DOCK3: variants seen among roughly 807,000 people sequenced by gnomAD.
DOCK3 encodes the protein dedicator of cytokinesis protein 3.
In DOCK3, 60 loss-of-function variants were observed where a neutral mutation model predicts 265.6. That is an observed-to-expected ratio of 0.23 (90% CI 0.18 to 0.28). The LOEUF is 0.28. Ranked by LOEUF, DOCK3 falls within the 10% of genes least tolerant of loss-of-function variation. DOCK3 has a pLI of 1.00. For missense variants in DOCK3, 1,981 were observed against 2,594.3 expected (o/e 0.76, Z 5.14); for synonymous variants, 881 against 938.0 (o/e 0.94, Z 1.11).
At chr3:51,317,566 C>T (rs541953985) in intron 32 of DOCK3, among the ~76,000 whole-genome samples, 2 of 141,598 alleles carry the variant, frequency 1.4e-5, no homozygotes, top group South Asian at 2.3e-4. Flanking sequence ...GGCAACAGAG[C>T]GAGACTCCAT....
intron 1 of DOCK3, among the ~76,000 whole-genome samples, chr3:50,774,202 T>C (rs948786298): frequency 2.0e-5 from 3 of 152,056 alleles, no homozygotes; most frequent in Non-Finnish European, 4.4e-5. Flanking sequence ...TTCACCTCCT[T>C]CATCCTTTGC....
chr3:51,347,070 A>G (rs915796889), intron 38 of DOCK3, among the ~76,000 whole-genome samples: 3 of 152,096 alleles, frequency 2.0e-5, no homozygotes, highest in Admixed American at 1.3e-4. Flanking sequence ...TTGTAAAAAT[A>G]TTCTCCCATT....
intron 1 of DOCK3, among the ~76,000 whole-genome samples, chr3:50,683,806 A>G (rs1184537891): frequency 7.0e-6 from 1 of 141,988 alleles, no homozygotes; most frequent in African/African-American, 2.6e-5. Flanking sequence ...TTCTCTCCAC[A>G]TTTTTTCTCC....
At chr3:51,230,305 G>C (rs1424429129) in intron 19 of DOCK3, among the ~76,000 whole-genome samples, 1 of 152,088 alleles carries the variant, frequency 6.6e-6, no homozygotes, top group Non-Finnish European at 1.5e-5. Context: ...AGTGTCTACT[G>C]TTACCATTTT....
intron 27 of DOCK3, among the ~76,000 whole-genome samples, chr3:51,281,191 G>C (rs1367299222): frequency 6.7e-6 from 1 of 150,132 alleles, no homozygotes; most frequent in Non-Finnish European, 1.5e-5. Context: ...CCAGTCTTTC[G>C]GCTTCCCTAG....
At chr3:51,038,191 C>A (rs1337028203) in intron 5 of DOCK3, among the ~76,000 whole-genome samples, 2 of 152,128 alleles carry the variant, frequency 1.3e-5, no homozygotes, top group Non-Finnish European at 2.9e-5. Context: ...CTACTAATTC[C>A]ATTTTTAGGG....
intron 1 of DOCK3, among the ~76,000 whole-genome samples, chr3:50,711,294 C>A (rs1387096307): frequency 6.8e-6 from 1 of 146,110 alleles, no homozygotes. Context: ...CAGAGTTTTG[C>A]TCTGTTGCCC....
At chr3:50,970,947 AATGTG>A (rs2077209303) in intron 5 of DOCK3, among the ~76,000 whole-genome samples, 1 of 53,304 alleles carries the variant, frequency 1.9e-5, no homozygotes, top group African/African-American at 8.5e-5. Flanking sequence ...ATATATATAT[AATGTG>A]TGTGTGTGTG....
intron 5 of DOCK3, among the ~76,000 whole-genome samples, chr3:50,948,931 C>T (rs572614600): frequency 6.6e-6 from 1 of 152,210 alleles, no homozygotes; most frequent in South Asian, 2.1e-4. Flanking sequence ...ATCAATGAAA[C>T]AGAATAGAGA....
intron 4 of DOCK3, among the ~76,000 whole-genome samples, chr3:50,909,737 T>G (rs1484992314): frequency 6.6e-6 from 1 of 150,944 alleles, no homozygotes; most frequent in Non-Finnish European, 1.5e-5. Flanking sequence ...TGAGGTTCTC[T>G]GGATTTCTTG....
intron 5 of DOCK3, among the ~76,000 whole-genome samples, chr3:51,017,364 C>T: frequency 6.6e-6 from 1 of 151,036 alleles, no homozygotes; most frequent in Non-Finnish European, 1.5e-5. Context: ...AAATTTCTTT[C>T]TACTGTGATC....
chr3:50,980,105 G>A (rs2077635033), intron 5 of DOCK3, among the ~76,000 whole-genome samples: 1 of 152,144 alleles, frequency 6.6e-6, no homozygotes, highest in African/African-American at 2.4e-5. Context: ...TTCATGTATT[G>A]ACTTCATTAT....
At chr3:51,286,279 AAGG>A (rs1165238398) in intron 27 of DOCK3, among the ~76,000 whole-genome samples, 1 of 152,232 alleles carries the variant, frequency 6.6e-6, no homozygotes, top group African/African-American at 2.4e-5. Context: ...AGATCTCTAC[AAGG>A]AGAATTACAA....
intron 19 of DOCK3, among the ~76,000 whole-genome samples, chr3:51,233,358 C>CTATCTATT (rs1553803193): frequency 3.9e-4 from 24 of 61,172 alleles, no homozygotes; most frequent in African/African-American, 5.4e-4. Flanking sequence ...ATCTATCTAT[C>CTATCTATT]TATTTATTTA....
At chr3:50,769,716 A>G (rs996660235) in intron 1 of DOCK3, among the ~76,000 whole-genome samples, 19 of 151,466 alleles carry the variant, frequency 1.3e-4, no homozygotes, top group African/African-American at 4.1e-4. Context: ...GGAGGCTGAG[A>G]CAGGAGAATC....
intron 9 of DOCK3, among the ~76,000 whole-genome samples, chr3:51,093,611 A>G (rs760969172): frequency 1.3e-5 from 2 of 152,182 alleles, no homozygotes; most frequent in East Asian, 1.9e-4. Context: ...TAAATTTACA[A>G]TCATGTCATC....
chr3:51,242,183 G>T (rs2078638899), intron 21 of DOCK3, among the ~76,000 whole-genome samples: 1 of 152,054 alleles, frequency 6.6e-6, no homozygotes, highest in Non-Finnish European at 1.5e-5. Flanking sequence ...GAACATTTTA[G>T]GGGACAGTGC....
At chr3:50,834,882 T>C (rs2045412558) in intron 2 of DOCK3, among the ~76,000 whole-genome samples, 1 of 152,206 alleles carries the variant, frequency 6.6e-6, no homozygotes, top group Non-Finnish European at 1.5e-5. Flanking sequence ...ATGAAAATCT[T>C]GTTCAAGACA....
intron 2 of DOCK3, among the ~76,000 whole-genome samples, chr3:50,797,767 A>G (rs759330737): frequency 1.3e-5 from 2 of 152,202 alleles, no homozygotes; most frequent in Non-Finnish European, 2.9e-5. Context: ...CAATTCTGTG[A>G]TGATTAATGA....
Sources: gnomAD v4.1 joint callset for allele counts (sites outside exome capture counted in the v4.1 genomes callset) on GRCh38, gnomAD v4.1.1 for gene constraint, MANE v1.5 for transcripts, NCBI Gene and HGNC (gene_info 2026-07-23, HGNC 2026-07-21) for gene names.